SLC1A3: variants seen among roughly 807,000 people sequenced by gnomAD.
SLC1A3 encodes the protein excitatory amino acid transporter 1.
In SLC1A3, 21 loss-of-function variants were observed where a neutral mutation model predicts 48.1. The observed-to-expected ratio is 0.44, with a 90% CI of 0.31 to 0.63. SLC1A3 has a LOEUF of 0.63. Among genes scored for constraint, SLC1A3 ranks in the 20% least tolerant of loss-of-function variants. The pLI is 0.08. For missense variants in SLC1A3, 546 were observed against 689.0 expected, an observed-to-expected ratio of 0.79 and a Z score of 2.32; for synonymous variants, 239 against 251.4, an observed-to-expected ratio of 0.95 and a Z score of 0.47.
chr5:36,683,731 C>T (rs921553647), intron 8 of SLC1A3, 133 bp from the exon 9 acceptor site: 9 of 937,908 alleles, frequency 9.6e-6, no homozygotes, highest in Admixed American at 6.4e-5. Context: ...ATCTCATTTA[C>T]GTTTTTTCTG....
chr5:36,654,745 T>A (rs1261654680), intron 3 of SLC1A3, among the ~76,000 whole-genome samples: 1 of 152,198 alleles, frequency 6.6e-6, no homozygotes, highest in Non-Finnish European at 1.5e-5. Flanking sequence ...CTGAGGTTGT[T>A]AATTCATTCA....
intron 2 of SLC1A3, chr5:36,613,097 G>C (rs1579946857): frequency 3.2e-6 from 1 of 311,762 alleles, no homozygotes; most frequent in Non-Finnish European, 6.4e-6. Context: ...GGGTGCACGA[G>C]GGTAAGTTCA....
intron 3 of SLC1A3, among the ~76,000 whole-genome samples, chr5:36,640,827 CCTT>C (rs1273998633): frequency 6.6e-6 from 1 of 152,004 alleles, no homozygotes; most frequent in African/African-American, 2.4e-5. Context: ...TGGTCCCCCT[CCTT>C]CATCTACACT....
chr5:36,685,578 G>GTGT (rs1452979799), intron 9 of SLC1A3, among the ~76,000 whole-genome samples: 1 of 152,078 alleles, frequency 6.6e-6, no homozygotes, highest in Non-Finnish European at 1.5e-5. Flanking sequence ...GCCCGGCCTC[G>GTGT]ACCCCAATAT....
At chr5:36,633,444 C>T (rs372412035) in intron 3 of SLC1A3, among the ~76,000 whole-genome samples, 4 of 152,064 alleles carry the variant, frequency 2.6e-5, no homozygotes, top group South Asian at 2.1e-4. Flanking sequence ...AGGGCACCCT[C>T]GAGGCAGGAT....
At chr5:36,652,329 C>T (rs1257537595) in intron 3 of SLC1A3, among the ~76,000 whole-genome samples, 1 of 148,562 alleles carries the variant, frequency 6.7e-6, no homozygotes, top group South Asian at 2.1e-4. Context: ...CACACATACA[C>T]ACACACACAC....
At chr5:36,605,703 C>A (rs1252410076), upstream of SLC1A3, among the ~76,000 whole-genome samples, 3 of 152,088 alleles carry the variant, frequency 2.0e-5, no homozygotes, top group African/African-American at 7.2e-5. Context: ...GGGAATAAGT[C>A]ACCTCAAAAA....
chr5:36,638,487 G>A (rs62354638), intron 3 of SLC1A3, among the ~76,000 whole-genome samples: 4,394 of 152,140 alleles, frequency 0.029, 105 homozygotes, highest in South Asian at 0.092. Flanking sequence ...CAATCTTTCC[G>A]TAAAGTTAGC....
At chr5:36,647,812 A>C (rs1740896977) in intron 3 of SLC1A3, among the ~76,000 whole-genome samples, 1 of 152,220 alleles carries the variant, frequency 6.6e-6, no homozygotes, top group Non-Finnish European at 1.5e-5. Flanking sequence ...ACTGTTTTTG[A>C]GAAAAGGCAA....
At chr5:36,646,807 T>C (rs1158025223) in intron 3 of SLC1A3, among the ~76,000 whole-genome samples, 1 of 152,238 alleles carries the variant, frequency 6.6e-6, no homozygotes, top group Non-Finnish European at 1.5e-5. Flanking sequence ...TGGAAAATTC[T>C]CTTTTACAAT....
At chr5:36,658,735 A>G (rs1312840647) in intron 3 of SLC1A3, among the ~76,000 whole-genome samples, 1 of 152,200 alleles carries the variant, frequency 6.6e-6, no homozygotes, top group Non-Finnish European at 1.5e-5. Flanking sequence ...TTGGGGGAGA[A>G]ATGCTGCAGC....
upstream of SLC1A3, among the ~76,000 whole-genome samples, chr5:36,601,450 A>G (rs955243258): frequency 3.9e-5 from 6 of 152,214 alleles, no homozygotes; most frequent in Non-Finnish European, 8.8e-5. Context: ...ATCTAGTCTA[A>G]CCTAGTTTTA....
chr5:36,654,325 T>C (rs1387630560), intron 3 of SLC1A3, among the ~76,000 whole-genome samples: 1 of 152,218 alleles, frequency 6.6e-6, no homozygotes, highest in Non-Finnish European at 1.5e-5. Flanking sequence ...CAGTGGTAGA[T>C]GAAGGGTGGT....
At chr5:36,616,986 AG>A (rs1319337825) in intron 2 of SLC1A3, among the ~76,000 whole-genome samples, 1 of 152,206 alleles carries the variant, frequency 6.6e-6, no homozygotes, top group Admixed American at 6.5e-5. Flanking sequence ...CAAACTTTTC[AG>A]GGCCTTGTAA....
chr5:36,612,596 G>GAA (rs372263439), intron 2 of SLC1A3: 55 of 152,772 alleles, frequency 3.6e-4, no homozygotes, highest in African/African-American at 1.1e-3. Flanking sequence ...CTCCAAATAA[G>GAA]AAAAAAAAAA....
intron 3 of SLC1A3, among the ~76,000 whole-genome samples, chr5:36,661,039 T>C (rs1741489527): frequency 6.6e-6 from 1 of 152,218 alleles, no homozygotes. Flanking sequence ...TTGCACACTC[T>C]TTTTACTGGC....
intron 2 of SLC1A3, among the ~76,000 whole-genome samples, chr5:36,615,373 G>A (rs1037677038): frequency 6.6e-6 from 1 of 152,104 alleles, no homozygotes; most frequent in Non-Finnish European, 1.5e-5. Flanking sequence ...GAGGTGTTTT[G>A]CTTTGTTTTA....
chr5:36,608,667 C>G (rs567405660), intron 2 of SLC1A3, 63 bp downstream of exon 2: 3 of 1,599,852 alleles, frequency 1.9e-6, no homozygotes, highest in East Asian at 2.2e-5. Context: ...TCTGGCTGCC[C>G]GGGGAATATT....
intron 4 of SLC1A3, among the ~76,000 whole-genome samples, chr5:36,671,728 A>G (rs781235459): frequency 3.9e-5 from 6 of 152,208 alleles, no homozygotes; most frequent in Non-Finnish European, 5.9e-5. Context: ...TTTTCCTTTC[A>G]TAATGTTTAT....
Sources: gnomAD v4.1 joint callset for allele counts (sites outside exome capture counted in the v4.1 genomes callset) on GRCh38, gnomAD v4.1.1 for gene constraint, MANE v1.5 for transcripts, NCBI Gene and HGNC (gene_info 2026-07-23, HGNC 2026-07-21) for gene names.